DARS2: variants seen among roughly 807,000 people sequenced by gnomAD.
DARS2 encodes aspartyl-tRNA synthetase 2, mitochondrial.
A neutral mutation model predicts 83.0 loss-of-function variants in DARS2; 63 were observed. That is an observed-to-expected ratio of 0.76 (90% CI 0.62 to 0.94). The LOEUF (loss-of-function observed/expected upper bound fraction) is 0.94. DARS2 is among the 40% of genes least tolerant of loss of function. The probability of loss-of-function intolerance (pLI) is 0.00; values close to 1 mark genes in which losing one functional copy is unlikely to be tolerated. For missense variants in DARS2, 675 were observed against 774.4 expected, an observed-to-expected ratio of 0.87 and a Z score of 1.52; for synonymous variants, 250 against 269.3, an observed-to-expected ratio of 0.93 and a Z score of 0.70.
In DARS2 at chr1:173,828,677, G is replaced by A. The variant is rs112292647; in HGVS notation, c.294+278G>A. Among the ~76,000 whole-genome samples, 186 of 152,282 alleles carry A rather than the reference G, an allele frequency of 1.2e-3. 1 individual carries two copies. Among genetic ancestry groups the A allele is most frequent in the African/African-American group, 4.4e-3 (181 of 41,570 alleles). ...CAGCCTCACTCATAGGTAGAGAAAT[G>A]TGAATTGAAACTGCATGTAATTGTC... On this transcript the variant is annotated intron_variant, in intron 3 of 16. Coordinates refer to ENST00000649689, the MANE Select transcript of DARS2 (RefSeq NM_018122.5).
At chr1:173,855,912 C>T (rs1034654117) in intron 15 of DARS2, among the ~76,000 whole-genome samples, 4 of 151,306 alleles carry the variant, frequency 2.6e-5, no homozygotes, top group Admixed American at 6.6e-5. Context: ...CTGCCTGCAT[C>T]GGCCTCCCAA....
intron 15 of DARS2, among the ~76,000 whole-genome samples, chr1:173,856,071 C>T (rs1279051881): frequency 6.6e-6 from 1 of 152,192 alleles, no homozygotes; most frequent in Non-Finnish European, 1.5e-5. Context: ...CTTGGCTACA[C>T]ATCAGACCAA....
intron 1 of DARS2, among the ~76,000 whole-genome samples, chr1:173,826,006 A>G (rs1419244199): frequency 6.6e-6 from 1 of 150,836 alleles, no homozygotes; most frequent in Non-Finnish European, 1.5e-5. Flanking sequence ...GCGGATCACG[A>G]GGTCAGGAGA....
At chr1:173,850,905 T>G (rs571116855) in intron 13 of DARS2, among the ~76,000 whole-genome samples, 3 of 152,058 alleles carry the variant, frequency 2.0e-5, no homozygotes, top group Admixed American at 1.3e-4. Context: ...GTGCCCAGCC[T>G]GCATAAATCT....
chr1:173,838,703 G>A (rs970940680), intron 9 of DARS2, among the ~76,000 whole-genome samples: 4 of 151,792 alleles, frequency 2.6e-5, no homozygotes, highest in Admixed American at 2.6e-4. Context: ...TTTGCTTTCT[G>A]TATGATAGCA....
chr1:173,842,938 T>TAA (rs532765288), intron 11 of DARS2, among the ~76,000 whole-genome samples: 8,785 of 120,062 alleles, frequency 0.073, 1,068 homozygotes, highest in African/African-American at 0.25. Context: ...CACTCCATCT[T>TAA]AAAAAAAAAA....
rs1653031052 is a variant in DARS2, at chr1:173,837,034, G to A, written c.758G>A (p.Gly253Asp). 1 of 1,613,852 alleles carries A rather than the reference G, an allele frequency of 6.2e-7. No individual in the cohort carries two copies. The highest frequency in any genetic ancestry group is 8.5e-7 in the Non-Finnish European group (1 of 1,179,836). Reference protein sequence around the residue: ...PQQFKQLLMVGGLDRYFQVAR... With the variant: ...PQQFKQLLMVDGLDRYFQVAR... ...CAGTTTAAGCAACTTCTGATGGTTGGCGGTTTAGACAGGTGAGCTTTTTTT... is the reference window on the plus strand; with the variant it reads ...CAGTTTAAGCAACTTCTGATGGTTGACGGTTTAGACAGGTGAGCTTTTTTT... Residue 253 changes from glycine to aspartate, a missense_variant, in exon 8 of 17, where the codon GGC becomes GAC. Coordinates refer to ENST00000649689, the MANE Select transcript of DARS2 (RefSeq NM_018122.5).
chr1:173,852,107 A>T (rs1385000003), intron 13 of DARS2: 1 of 985,344 alleles, frequency 1.0e-6, no homozygotes, highest in Non-Finnish European at 1.2e-6. Context: ...CTTTCGAGGA[A>T]TAACATTAAC....
chr1:173,829,186 G>A (rs185678109), intron 3 of DARS2, among the ~76,000 whole-genome samples: 2 of 150,528 alleles, frequency 1.3e-5, no homozygotes, highest in Non-Finnish European at 2.9e-5. Context: ...CTGGGGGAAG[G>A]ATGCAGAATA....
At position 173,826,721 on chromosome 1, in the gene DARS2, T is replaced by C. The variant is rs1205962349; in HGVS notation, c.162T>C (p.Cys54=). The change falls in exon 2 of 17, where the codon TGT becomes TGC. Residue 54 remains cysteine (C), a synonymous_variant. Transcript: ENST00000649689. ...FSSFVVRTNT[C]GELRSSHLGQ... is the part of the protein sequence containing the mutation. ...GCTTTGTTGTCCGGACCAACACATGTGGAGAGTTGCGTTCGTCTCACTTAG... is the reference window on the plus strand; with the variant it reads ...GCTTTGTTGTCCGGACCAACACATGCGGAGAGTTGCGTTCGTCTCACTTAG... The C allele has an allele frequency of 1.2e-6, 2 of 1,612,954 alleles. No individual in the cohort carries two copies. Among genetic ancestry groups the C allele is most frequent in the Admixed American group, 3.3e-5 (2 of 59,952 alleles).
At chr1:173,835,794 C>T (rs1359080285) in intron 7 of DARS2, among the ~76,000 whole-genome samples, 1 of 151,814 alleles carries the variant, frequency 6.6e-6, no homozygotes, top group East Asian at 1.9e-4. Context: ...TGGTTCACGC[C>T]TGTAATCCCA....
In DARS2 at chr1:173,853,915, A is replaced by G. The variant is rs1653770700; in HGVS notation, c.1674+10A>G. 2.5e-6 allele frequency: 4 copies of G among 1,586,988 alleles called. No homozygotes were observed. The highest frequency in any genetic ancestry group is 3.5e-6 in the Non-Finnish European group (4 of 1,155,498). Reference sequence around the variant, plus strand: ...GGCAACCTTACTAAAGGTAACAAACATCATCTGCTATCCTGGGCTTATTTT... The same window carrying G: ...GGCAACCTTACTAAAGGTAACAAACGTCATCTGCTATCCTGGGCTTATTTT... On this transcript the variant is annotated intron_variant, in intron 15 of 16. Coordinates refer to ENST00000649689, the MANE Select transcript of DARS2 (RefSeq NM_018122.5).
chr1:173,841,992 A>T (rs1653231678), intron 11 of DARS2, among the ~76,000 whole-genome samples: 1 of 152,000 alleles, frequency 6.6e-6, no homozygotes, highest in African/African-American at 2.4e-5. Flanking sequence ...TCTCAGTTGC[A>T]CTAATAACAG....
At chr1:173,848,055 G>C in intron 12 of DARS2, among the ~76,000 whole-genome samples, 1 of 151,936 alleles carries the variant, frequency 6.6e-6, no homozygotes, top group Non-Finnish European at 1.5e-5. Flanking sequence ...GGGTTTCGCT[G>C]TGTTAGCCAG....
rs182584431 is a variant in DARS2, at chr1:173,837,835, G to A, written c.771-355G>A. On this transcript the variant is annotated intron_variant, in intron 8 of 16. Transcript: ENST00000649689. Reference sequence around the variant, plus strand: ...GTCACCCAAGCTGGAGTGCAATGGCGCAATCTCGGCTCACTGCAACCTCCG... The same window carrying A: ...GTCACCCAAGCTGGAGTGCAATGGCACAATCTCGGCTCACTGCAACCTCCG... Among the ~76,000 whole-genome samples, 13 of 151,632 alleles carry A rather than the reference G, an allele frequency of 8.6e-5. No individual in the cohort carries two copies. The East Asian group carries it at 2.1e-3, about 25-fold the overall frequency.
intron 15 of DARS2, 79 bp downstream of exon 15, chr1:173,853,984 C>A: frequency 7.7e-7 from 1 of 1,302,064 alleles, no homozygotes; most frequent in Non-Finnish European, 1.1e-6. Flanking sequence ...TTGTTGTTTG[C>A]TTGTTTGTTT....
chr1:173,835,444 A>T (rs1467218595), intron 7 of DARS2, among the ~76,000 whole-genome samples: 2 of 150,270 alleles, frequency 1.3e-5, no homozygotes, highest in East Asian at 4.2e-4. Context: ...TGGCTCACAC[A>T]TGTAGTCTTA....
At chr1:173,849,731 C>T (rs1653575389) in intron 12 of DARS2, among the ~76,000 whole-genome samples, 1 of 152,100 alleles carries the variant, frequency 6.6e-6, no homozygotes, top group Non-Finnish European at 1.5e-5. Flanking sequence ...GACCTTCCTG[C>T]ACCTTGCTTC....
intron 14 of DARS2, 41 bp downstream of exon 14, chr1:173,853,608 A>G (rs1402774390): frequency 6.2e-7 from 1 of 1,608,756 alleles, no homozygotes; most frequent in Non-Finnish European, 8.5e-7. Context: ...AAATGTGTAT[A>G]TAAAGGCAAA....
Sources: allele counts gnomAD v4.1 joint callset (sites outside exome capture counted in the v4.1 genomes callset), GRCh38; gene constraint gnomAD v4.1.1; transcripts MANE v1.5; gene names NCBI Gene and HGNC (gene_info 2026-07-23, HGNC 2026-07-21).